PPP1CC: variants seen among roughly 807,000 people sequenced by gnomAD.
PPP1CC encodes serine/threonine-protein phosphatase PP1-gamma catalytic subunit.
Under a neutral mutation model 38.4 loss-of-function variants are expected in PPP1CC, and 16 were observed. The observed-to-expected ratio is 0.42, with a 90% CI of 0.28 to 0.63. The LOEUF (loss-of-function observed/expected upper bound fraction) is 0.63, where lower values mean the gene tolerates loss of function less well. Among genes scored for constraint, PPP1CC ranks in the 30% least tolerant of loss-of-function variants. The pLI is 0.25. For synonymous variants in PPP1CC, 158 were observed against 136.0 expected (o/e 1.16, Z -1.13); for missense variants, 170 against 391.3 (o/e 0.43, Z 4.77).
At position 110,720,899 on chromosome 12, in the gene PPP1CC, A is replaced by G. The variant is rs980905256; in HGVS notation, c.*177T>C. On this transcript the variant is annotated 3_prime_UTR_variant, in exon 7 of 7. Transcript: ENST00000335007. ...AAACACTTTTCTTTTTGGAGTGAAG[A>G]GTCTTTCATTTGCTGTTATAACCAG... The G allele has an allele frequency of 1.9e-6, 1 of 514,906 alleles. No individual in the cohort carries two copies. The highest frequency in any genetic ancestry group is 3.5e-5 in the Admixed American group (1 of 28,236). 31.9% of individuals were successfully genotyped at this position (514,906 alleles called of 1,614,324 possible).
At chr12:110,728,003 A>G (rs954535717) in intron 3 of PPP1CC, among the ~76,000 whole-genome samples, 2 of 152,250 alleles carry the variant, frequency 1.3e-5, no homozygotes, top group Non-Finnish European at 2.9e-5. Context: ...GTATCATTAC[A>G]TTAGGATACA....
At chr12:110,727,612 TAAA>T (rs60861001) in intron 3 of PPP1CC, among the ~76,000 whole-genome samples, 6 of 133,410 alleles carry the variant, frequency 4.5e-5, no homozygotes, top group Admixed American at 1.5e-4. Flanking sequence ...TTTACAAAGT[TAAA>T]AAAAAAAAAA....
the PPP1CC span, among the ~76,000 whole-genome samples, chr12:110,708,750 G>C: frequency 6.6e-6 from 1 of 151,066 alleles, no homozygotes; most frequent in East Asian, 1.9e-4. Context: ...TTGGGAGGCT[G>C]AGACAGGAAA....
chr12:110,726,646 G>A (rs1455514385), intron 3 of PPP1CC: 1 of 152,098 alleles, frequency 6.6e-6, no homozygotes, highest in Non-Finnish European at 1.5e-5. Flanking sequence ...ACCACCACAG[G>A]ATGAGTATCC....
chr12:110,722,706 AG>A lies in PPP1CC; in HGVS notation c.524-12del, dbSNP rs751718761. On this transcript the variant is annotated splice_polypyrimidine_tract_variant and intron_variant, in intron 4 of 6. Transcript: ENST00000335007. This position sits in a 1 kb window ranked among gnomAD's most constrained non-coding sequence, Gnocchi z 5.4. ...GATCTGGTGATAAACCTATTCAATGAGGAAAAAAAAAAAATGAAGAAAGCAG... is the reference window on the plus strand; with the variant it reads ...GATCTGGTGATAAACCTATTCAATGAGAAAAAAAAAAAATGAAGAAAGCAG... The A allele has an allele frequency of 1.6e-5, 25 of 1,569,080 alleles. No individual in the cohort carries two copies. Among genetic ancestry groups the A allele is most frequent in the African/African-American group, 8.3e-5 (6 of 72,688 alleles).
chr12:110,742,739 C>G lies in PPP1CC; in HGVS notation c.-32G>C. 7.2e-7 allele frequency: 1 copy of G among 1,381,866 alleles called. No homozygotes were observed. Among genetic ancestry groups the G allele is most frequent in the Non-Finnish European group, 9.5e-7 (1 of 1,056,046 alleles). The allele number at this position is 1,381,866 out of a possible 1,614,324, so 85.6% of individuals were successfully genotyped here. On this transcript the variant is annotated 5_prime_UTR_variant, in exon 1 of 7. Coordinates refer to ENST00000335007, the MANE Select transcript of PPP1CC (RefSeq NM_002710.4). The stretch of plus-strand genomic sequence containing the variant: ...CCCACCGCCGACCCTCCCGCAGCGG[C>G]GCCGCCGCCGGCTCGCGCCCGGGAC...
chr12:110,718,213 C>A (rs2069702372), downstream of PPP1CC, among the ~76,000 whole-genome samples: 1 of 151,914 alleles, frequency 6.6e-6, no homozygotes, highest in African/African-American at 2.4e-5. Context: ...CTGTCCACTG[C>A]AACTAGACAT....
chr12:110,721,045 A>T lies in PPP1CC; in HGVS notation c.*31T>A, dbSNP rs767333181. 1.9e-6 allele frequency: 3 copies of T among 1,587,048 alleles called. No individual in the cohort carries two copies. Among genetic ancestry groups the T allele is most frequent in the African/African-American group, 2.7e-5 (2 of 74,262 alleles). ...ATGAAGGTTATATACTCTATGTTACAAGTCCCGACTAGGCAGTGTCAAAAC... is the reference window on the plus strand; with the variant it reads ...ATGAAGGTTATATACTCTATGTTACTAGTCCCGACTAGGCAGTGTCAAAAC... On this transcript the variant is annotated 3_prime_UTR_variant, in exon 7 of 7. Coordinates refer to ENST00000335007, the MANE Select transcript of PPP1CC (RefSeq NM_002710.4).
intron 1 of PPP1CC, among the ~76,000 whole-genome samples, chr12:110,735,173 C>A (rs1409801807): frequency 2.0e-5 from 3 of 151,172 alleles, no homozygotes; most frequent in African/African-American, 7.3e-5. Context: ...CCTGCCTCAG[C>A]CTCCCAAGTA....
the PPP1CC span, among the ~76,000 whole-genome samples, chr12:110,710,267 G>A: frequency 6.6e-6 from 1 of 152,290 alleles, no homozygotes; most frequent in African/African-American, 2.4e-5. Context: ...TTAAGGCCAG[G>A]TGCAGTGGCT....
At chr12:110,716,909 G>C (rs1359840625), downstream of PPP1CC, among the ~76,000 whole-genome samples, 1 of 152,184 alleles carries the variant, frequency 6.6e-6, no homozygotes, top group East Asian at 1.9e-4. Flanking sequence ...ATGCACTAAT[G>C]CAAGTACTCA....
At chr12:110,742,595 G>A (rs930754997) in intron 1 of PPP1CC, 58 bp downstream of exon 1, 8 of 1,371,304 alleles carry the variant, frequency 5.8e-6, no homozygotes, top group Admixed American at 5.9e-5. Flanking sequence ...CGAGCCCCCG[G>A]GGCCGCCTGC....
At chr12:110,728,323 C>T (rs2069829449) in intron 3 of PPP1CC, among the ~76,000 whole-genome samples, 1 of 149,222 alleles carries the variant, frequency 6.7e-6, no homozygotes. Flanking sequence ...GGCGTGAACC[C>T]AGGAGGCGGA....
chr12:110,724,877 T>C (rs1325007213), intron 3 of PPP1CC, 113 bp from the exon 4 acceptor site: 1 of 554,614 alleles, frequency 1.8e-6, no homozygotes, highest in African/African-American at 1.9e-5. Context: ...TTTAAGCAAA[T>C]GAAACTATGT....
At chr12:110,728,041 T>C (rs1457708288) in intron 3 of PPP1CC, among the ~76,000 whole-genome samples, 1 of 152,222 alleles carries the variant, frequency 6.6e-6, no homozygotes, top group Non-Finnish European at 1.5e-5. Context: ...CAACTGGATT[T>C]GAATTCATCA....
the PPP1CC span, among the ~76,000 whole-genome samples, chr12:110,711,496 G>A: frequency 5.9e-5 from 9 of 152,278 alleles, no homozygotes; most frequent in South Asian, 2.1e-4. Flanking sequence ...GTTAACTCTC[G>A]AGGGAGATGG....
At chr12:110,723,490 G>A (rs373473317) in intron 4 of PPP1CC, among the ~76,000 whole-genome samples, 2 of 152,156 alleles carry the variant, frequency 1.3e-5, no homozygotes, top group East Asian at 1.9e-4. Flanking sequence ...ACTGAGCAAA[G>A]CAAAACAGCT....
At chr12:110,724,186 C>A (rs149038074) in intron 4 of PPP1CC, among the ~76,000 whole-genome samples, 5 of 151,968 alleles carry the variant, frequency 3.3e-5, no homozygotes, top group African/African-American at 1.2e-4. Context: ...TGCAGTGAGC[C>A]GAGATGGTGC....
At chr12:110,730,378 T>G (rs1274139468) in intron 3 of PPP1CC, 151 bp downstream of exon 3, 2 of 699,326 alleles carry the variant, frequency 2.9e-6, no homozygotes, top group African/African-American at 3.6e-5. Flanking sequence ...CTAAAAAAGC[T>G]AAGCTAAAAA....
Sources: allele counts gnomAD v4.1 joint callset (sites outside exome capture counted in the v4.1 genomes callset), GRCh38; gene constraint gnomAD v4.1.1; non-coding constraint Gnocchi (gnomAD v3.1); transcripts MANE v1.5; gene names NCBI Gene and HGNC (gene_info 2026-07-23, HGNC 2026-07-21).